Variants in TMCO5A observed in about 807,000 individuals in gnomAD.
TMCO5A encodes the protein transmembrane and coiled-coil domain-containing protein 5A.
Under a neutral mutation model 42.3 loss-of-function variants are expected in TMCO5A, and 34 were observed. The observed-to-expected ratio is 0.80, with a 90% CI of 0.61 to 1.07. The LOEUF (loss-of-function observed/expected upper bound fraction) is 1.07. Ranked by LOEUF, TMCO5A falls within the 50% of genes least tolerant of loss-of-function variation. TMCO5A has a pLI of 0.00. For missense variants in TMCO5A, 357 were observed against 327.9 expected, an observed-to-expected ratio of 1.09 and a Z score of -0.69; for synonymous variants, 131 against 115.6, an observed-to-expected ratio of 1.13 and a Z score of -0.86.
chr15:37,943,004 C>T, intron 9 of TMCO5A: 1 of 203,392 alleles, frequency 4.9e-6, no homozygotes, highest in South Asian at 9.7e-5. Flanking sequence ...TAGGTCCTTG[C>T]CCCTAAAGGA....
the TMCO5A span, among the ~76,000 whole-genome samples, chr15:37,979,278 C>T: frequency 2.0e-5 from 3 of 152,026 alleles, no homozygotes; most frequent in Admixed American, 1.3e-4. Flanking sequence ...TTTTTGCTCC[C>T]TCCCAAGCCT....
the TMCO5A span, among the ~76,000 whole-genome samples, chr15:37,997,753 T>C: frequency 3.3e-5 from 5 of 152,190 alleles, no homozygotes; most frequent in South Asian, 2.1e-4. Flanking sequence ...GGTCATATGG[T>C]ATTTCTATTT....
chr15:37,957,579 G>C lies in TMCO5A; in HGVS notation c.669-9046G>C, dbSNP rs190774872. On this transcript the variant is annotated intron_variant, in intron 11 of 11. Transcript: ENST00000559502. ...AGGAGAACTACAAACCACTCCTCAA[G>C]GAAATAAGAGAGGATACAAACAAAT... 5.6e-3 allele frequency among the ~76,000 whole-genome samples: 846 copies of C among 152,084 alleles called. 9 individuals carry two copies. Among genetic ancestry groups the C allele is most frequent in the African/African-American group, 0.019 (794 of 41,494 alleles).
At chr15:38,017,464 C>T in the TMCO5A span, among the ~76,000 whole-genome samples, 24 of 152,014 alleles carry the variant, frequency 1.6e-4, 1 homozygote, top group African/African-American at 4.6e-4. Flanking sequence ...ACCTGCCTGC[C>T]GGAGAGGAGC....
At chr15:37,944,894 A>T (rs1449477424) in intron 10 of TMCO5A, among the ~76,000 whole-genome samples, 1 of 152,106 alleles carries the variant, frequency 6.6e-6, no homozygotes, top group African/African-American at 2.4e-5. Flanking sequence ...GTTCAGGGGT[A>T]CATGTGCAGG....
chr15:37,945,631 T>C (rs1005430783), intron 10 of TMCO5A, among the ~76,000 whole-genome samples: 1 of 152,160 alleles, frequency 6.6e-6, no homozygotes, highest in Admixed American at 6.6e-5. Context: ...ATCAGTAATG[T>C]TGAACTTTTT....
the TMCO5A span, among the ~76,000 whole-genome samples, chr15:38,018,384 T>C: frequency 6.6e-6 from 1 of 152,268 alleles, no homozygotes; most frequent in East Asian, 1.9e-4. Flanking sequence ...GGCCATTAAT[T>C]AGTAAAATGA....
chr15:37,951,472 T>C (rs1890157285), downstream of TMCO5A: 1 of 447,758 alleles, frequency 2.2e-6, no homozygotes, highest in Non-Finnish European at 3.9e-6. Context: ...GTAAACAAAT[T>C]TGACCATTTG....
the TMCO5A span, among the ~76,000 whole-genome samples, chr15:38,036,889 A>G: frequency 6.6e-6 from 1 of 152,212 alleles, no homozygotes. Context: ...AGTGGTTGGC[A>G]CAAAACGAGG....
At chr15:38,010,383 CAAAAAA>C in the TMCO5A span, among the ~76,000 whole-genome samples, 41 of 40,322 alleles carry the variant, frequency 1.0e-3, 1 homozygote, top group Non-Finnish European at 1.2e-3. Flanking sequence ...ACTCCGTCTC[CAAAAAA>C]AAAAAAAAAA....
the TMCO5A span, chr15:37,993,380 T>TG: frequency 3.3e-5 from 5 of 151,962 alleles, no homozygotes; most frequent in African/African-American, 1.2e-4. Context: ...TGGGTTTTTT[T>TG]TTTTATTTTT....
the TMCO5A span, chr15:38,040,488 C>T: frequency 6.6e-6 from 1 of 152,162 alleles, no homozygotes; most frequent in East Asian, 1.9e-4. Flanking sequence ...CGTGCAAAAA[C>T]ATGTATGTGA....
chr15:38,012,754 A>G, the TMCO5A span, among the ~76,000 whole-genome samples: 1 of 152,194 alleles, frequency 6.6e-6, no homozygotes, highest in East Asian at 1.9e-4. Flanking sequence ...CATGCAGAAC[A>G]CTAATTCTTT....
chr15:37,968,043 T>G (rs1286176924), downstream of TMCO5A, among the ~76,000 whole-genome samples: 1 of 152,224 alleles, frequency 6.6e-6, no homozygotes, highest in African/African-American at 2.4e-5. Flanking sequence ...TTACCTTCTA[T>G]GTAATTTGAG....
chr15:38,030,799 G>A, the TMCO5A span, among the ~76,000 whole-genome samples: 1 of 152,112 alleles, frequency 6.6e-6, no homozygotes, highest in Non-Finnish European at 1.5e-5. Flanking sequence ...AACATAACCT[G>A]TTGCCCACTC....
chr15:37,937,568 G>A (rs537825021), intron 5 of TMCO5A, among the ~76,000 whole-genome samples, 172 bp downstream of exon 5: 53 of 152,154 alleles, frequency 3.5e-4, no homozygotes, highest in African/African-American at 1.2e-3. Context: ...TGACCTAAAT[G>A]TTAGGGATTT....
intron 11 of TMCO5A, among the ~76,000 whole-genome samples, chr15:37,949,188 T>A (rs1462756169): frequency 6.6e-6 from 1 of 151,978 alleles, no homozygotes; most frequent in African/African-American, 2.4e-5. Flanking sequence ...TATAAAAAAT[T>A]ATTACAAAAT....
chr15:37,961,749 C>T (rs1378217784), intron 11 of TMCO5A, among the ~76,000 whole-genome samples: 2 of 151,906 alleles, frequency 1.3e-5, no homozygotes, highest in East Asian at 1.9e-4. Flanking sequence ...GGTCTTTCAC[C>T]TCCTTGTTTA....
chr15:38,008,056 T>C, the TMCO5A span, among the ~76,000 whole-genome samples: 2,853 of 151,788 alleles, frequency 0.019, 68 homozygotes, highest in African/African-American at 0.061. Context: ...CCACCACGCC[T>C]GGCTAATTTT....
Sources: allele counts gnomAD v4.1 joint callset (sites outside exome capture counted in the v4.1 genomes callset), GRCh38; gene constraint gnomAD v4.1.1; transcripts MANE v1.5; gene names NCBI Gene and HGNC (gene_info 2026-07-23, HGNC 2026-07-21).